Variants in KALRN observed in about 807,000 individuals in gnomAD.
The protein encoded by KALRN is kalirin RhoGEF kinase.
Under a neutral mutation model 353.7 loss-of-function variants are expected in KALRN, and 70 were observed. The ratio of observed to expected loss-of-function variants is 0.20; its 90% CI spans 0.16 to 0.24. KALRN has a LOEUF of 0.24. Among genes scored for constraint, KALRN ranks in the 10% least tolerant of loss-of-function variants. The pLI is 1.00. For missense variants in KALRN, 2,791 were observed against 3,756.7 expected (o/e 0.74, Z 6.72); for synonymous variants, 1,391 against 1,434.8 (o/e 0.97, Z 0.69).
Position 124,329,959 on chromosome 3 carries a change from C to T in KALRN, c.1383C>T (p.Thr461=). The change falls in exon 8 of 60, where the codon ACC becomes ACT. Residue 461 remains threonine, a synonymous_variant. Coordinates refer to ENST00000682506, the MANE Select transcript of KALRN (RefSeq NM_001388419.1). ...AGCTGGCAATCCACCACCACCAGAC[C>T]TTGTATGAGCAGGTGACCCAAGCCT... ...DLELAIHHHQ[T]LYEQVTQAYT... is the part of the protein sequence containing the mutation. 1 of 1,613,764 alleles carries T rather than the reference C, an allele frequency of 6.2e-7. No homozygotes were observed. Among genetic ancestry groups the T allele is most frequent in the Non-Finnish European group, 8.5e-7 (1 of 1,179,892 alleles).
At chr3:124,460,442 C>A (rs535490082) in intron 23 of KALRN, among the ~76,000 whole-genome samples, 2 of 152,262 alleles carry the variant, frequency 1.3e-5, no homozygotes, top group East Asian at 3.9e-4. Context: ...CGGATGAGAA[C>A]AAAAGAACAA....
chr3:124,340,827 G>T (rs1448969101), intron 9 of KALRN, among the ~76,000 whole-genome samples: 1 of 152,006 alleles, frequency 6.6e-6, no homozygotes, highest in African/African-American at 2.4e-5. Flanking sequence ...ATGGTGATGC[G>T]TACCTATAAT....
intron 10 of KALRN, among the ~76,000 whole-genome samples, chr3:124,353,487 A>G (rs913100012): frequency 6.6e-5 from 10 of 152,144 alleles, no homozygotes; most frequent in Non-Finnish European, 1.3e-4. Context: ...CTAACCCTCT[A>G]AGAAATTCTG....
intron 51 of KALRN, among the ~76,000 whole-genome samples, chr3:124,688,430 TAAATTC>T (rs776645670): frequency 1.4e-3 from 208 of 152,278 alleles, no homozygotes; most frequent in Non-Finnish European, 2.5e-3. Context: ...CTATTATACC[TAAATTC>T]TTAAAAATTG....
In KALRN at chr3:124,507,851, A is replaced by G. The variant is rs143325618; in HGVS notation, c.4935+11438A>G. 3.8e-3 allele frequency among the ~76,000 whole-genome samples: 586 copies of G among 152,322 alleles called. 1 individual carries two copies. The highest frequency in any genetic ancestry group is 6.8e-3 in the Middle Eastern group (2 of 294). Reference sequence around the variant, plus strand: ...TATGTTACATTTAAACCAGAAGCATACTTTTTGAAAGATAAATTTTGCCTG... The same window carrying G: ...TATGTTACATTTAAACCAGAAGCATGCTTTTTGAAAGATAAATTTTGCCTG... On this transcript the variant is annotated intron_variant, in intron 33 of 59. Coordinates refer to ENST00000682506, the MANE Select transcript of KALRN (RefSeq NM_001388419.1).
Position 124,719,867 on chromosome 3 carries a change from T to G in KALRN, c.*397T>G, listed in dbSNP as rs1480157390. The G allele has an allele frequency of 5.2e-6, 1 of 191,398 alleles. No individual in the cohort carries two copies. The highest frequency in any genetic ancestry group is 2.3e-5 in the African/African-American group (1 of 42,814). 11.9% of individuals were successfully genotyped at this position (191,398 alleles called of 1,614,324 possible). A position where few individuals can be genotyped will look rare whatever the true frequency, so the allele number is the denominator to read the frequency against. ...ATTTTAAGCAAGAAGTTCTATTTAA[T>G]GGAGATGTCATGTATATCAACTATT... On this transcript the variant is annotated 3_prime_UTR_variant, in exon 60 of 60. Coordinates refer to ENST00000682506, the MANE Select transcript of KALRN (RefSeq NM_001388419.1). The surrounding 1 kb of genome is among the most constrained non-coding windows in gnomAD (Gnocchi z 5.3).
chr3:124,560,183 T>G (rs1180306213), intron 33 of KALRN, among the ~76,000 whole-genome samples: 4 of 152,270 alleles, frequency 2.6e-5, no homozygotes, highest in African/African-American at 9.6e-5. Context: ...CATGCTGGGC[T>G]GTTTGCAACT....
intron 13 of KALRN, among the ~76,000 whole-genome samples, chr3:124,403,237 T>G (rs1054846954): frequency 1.3e-5 from 2 of 152,180 alleles, no homozygotes; most frequent in African/African-American, 4.8e-5. Context: ...CTGGGAAATT[T>G]TATATACTTT....
At chr3:124,294,756 G>T (rs979489037) in intron 5 of KALRN, among the ~76,000 whole-genome samples, 3 of 152,064 alleles carry the variant, frequency 2.0e-5, no homozygotes, top group Non-Finnish European at 4.4e-5. Flanking sequence ...AGATAGAAAT[G>T]TAAGTTGTAG....
At chr3:124,252,954 A>G (rs1219641902) in intron 3 of KALRN, among the ~76,000 whole-genome samples, 1 of 152,252 alleles carries the variant, frequency 6.6e-6, no homozygotes, top group East Asian at 1.9e-4. Flanking sequence ...AGAGCGGCTC[A>G]TTCTCTGTAA....
intron 51 of KALRN, among the ~76,000 whole-genome samples, chr3:124,680,533 A>G (rs1456134922): frequency 6.6e-6 from 1 of 152,258 alleles, no homozygotes; most frequent in Non-Finnish European, 1.5e-5. Flanking sequence ...AGACAACATT[A>G]AAAAGAAATT....
chr3:124,613,226 C>T (rs2078202519), intron 34 of KALRN, among the ~76,000 whole-genome samples: 2 of 152,182 alleles, frequency 1.3e-5, no homozygotes, highest in East Asian at 1.9e-4. Context: ...CTTACACTCC[C>T]CAGCAGATTT....
At chr3:124,309,763 C>T (rs2078067909) in intron 6 of KALRN, among the ~76,000 whole-genome samples, 2 of 152,042 alleles carry the variant, frequency 1.3e-5, no homozygotes, top group Admixed American at 1.3e-4. Context: ...ACTCAACAAA[C>T]TAGGAATAGA....
At chr3:124,083,609 C>T (rs959341733) in intron 1 of KALRN, among the ~76,000 whole-genome samples, 1 of 152,236 alleles carries the variant, frequency 6.6e-6, no homozygotes, top group African/African-American at 2.4e-5. Context: ...ATACTATTAT[C>T]ATCCCCATTT....
At position 124,668,373 on chromosome 3, in the gene KALRN, G is replaced by A. The variant is rs76383402; in HGVS notation, c.6703+1190G>A. Among the ~76,000 whole-genome samples the A allele has an allele frequency of 5.9e-3, 893 of 152,290 alleles. 16 individuals carry two copies. The East Asian group carries it at 0.076, about 13-fold the overall frequency. On this transcript the variant is annotated intron_variant, in intron 47 of 59. Coordinates refer to ENST00000682506, the MANE Select transcript of KALRN (RefSeq NM_001388419.1). ...TTGAGGAGTCATGACATTTCTCTGG[G>A]CCTTGTGGCTGGTTTTGTGAAAAAG...
chr3:124,434,503 C>A lies in KALRN; in HGVS notation c.3026C>A (p.Ala1009Asp). The change falls in exon 17 of 60, where the codon GCC becomes GAC. Residue 1009 changes from alanine (A) to aspartate (D), a missense_variant. By Grantham distance (126) the Ala-to-Asp change is moderately radical. Coordinates refer to ENST00000682506, the MANE Select transcript of KALRN (RefSeq NM_001388419.1). ...CTAAAATTGGTCAATGCCTCTGTGG[C>A]CTTTTACAAAACTTCTGAACAGGTG... ...DRLKLVNASV[A>D]FYKTSEQVCS... is the part of the protein sequence containing the mutation. The A allele has an allele frequency of 6.2e-7, 1 of 1,614,174 alleles. No individual in the cohort carries two copies. The highest frequency in any genetic ancestry group is 1.1e-5 in the South Asian group (1 of 91,072).
intron 10 of KALRN, among the ~76,000 whole-genome samples, chr3:124,349,667 C>T (rs910134104): frequency 7.9e-5 from 12 of 152,008 alleles, no homozygotes; most frequent in Non-Finnish European, 1.3e-4. Flanking sequence ...CTAAATTATA[C>T]ACTTTAAAAT....
chr3:124,241,621 A>G (rs1452827746), intron 3 of KALRN, among the ~76,000 whole-genome samples: 1 of 152,234 alleles, frequency 6.6e-6, no homozygotes, highest in African/African-American at 2.4e-5. Context: ...TCAAGTCCTT[A>G]CATAGTGCCA....
rs920620613 is a variant in KALRN, at chr3:124,633,746, T to C, written c.5467-106T>C. On this transcript the variant is annotated intron_variant, in intron 35 of 59. Transcript: ENST00000682506. ...TTGCGACTGAACAGTTAAGAGTGAG[T>C]TGAGAGAGGAACTCTCCTCCTATGT... 5.4e-5 allele frequency: 48 copies of C among 887,510 alleles called. No homozygotes were observed. The African/African-American group carries it at 7.1e-4, about 13-fold the overall frequency. 55.0% of individuals were successfully genotyped at this position (887,510 alleles called of 1,614,324 possible).
Sources: allele counts gnomAD v4.1 joint callset (sites outside exome capture counted in the v4.1 genomes callset), GRCh38; gene constraint gnomAD v4.1.1; non-coding constraint Gnocchi (gnomAD v3.1); transcripts MANE v1.5; gene names NCBI Gene and HGNC (gene_info 2026-07-23, HGNC 2026-07-21).